ATRN: variants seen among roughly 807,000 people sequenced by gnomAD.
The protein encoded by ATRN is attractin-2.
A neutral mutation model predicts 178.7 loss-of-function variants in ATRN; 54 were observed. The observed-to-expected ratio is 0.30, with a 90% confidence interval of 0.24 to 0.38. The LOEUF is 0.38. Among genes scored for constraint, ATRN ranks in the 10% least tolerant of loss-of-function variants. ATRN has a pLI of 1.00. For synonymous variants in ATRN, 636 were observed against 663.0 expected, an observed-to-expected ratio of 0.96 and a Z score of 0.63; for missense variants, 1,443 against 1,815.1, an observed-to-expected ratio of 0.79 and a Z score of 3.73.
At chr20:3,492,705 T>C (rs2084812070) in intron 1 of ATRN, among the ~76,000 whole-genome samples, 1 of 151,910 alleles carries the variant, frequency 6.6e-6, no homozygotes, top group Non-Finnish European at 1.5e-5. Flanking sequence ...GAGAAGCTAT[T>C]TTATCATTTC....
rs2087123349 is a variant in ATRN, at chr20:3,648,451, C to T, written c.*1604C>T. The T allele has an allele frequency of 6.6e-6, 1 of 152,652 alleles. No homozygotes were observed. The highest frequency in any genetic ancestry group is 2.4e-5 in the African/African-American group (1 of 41,442). 9.5% of individuals were successfully genotyped at this position (152,652 alleles called of 1,614,324 possible). ...TCTTCTGCTTCAAAACCTGGGATCT[C>T]TGGCATTACCCTATTGGGATGGACC... is the stretch of plus-strand genomic sequence containing the variant. On this transcript the variant is annotated 3_prime_UTR_variant, in exon 29 of 29. Transcript: ENST00000262919.
chr20:3,621,734 G>T (rs2086898641), intron 24 of ATRN, among the ~76,000 whole-genome samples: 1 of 152,106 alleles, frequency 6.6e-6, no homozygotes, highest in Non-Finnish European at 1.5e-5. Context: ...AGAAAGATTT[G>T]ATTGGGATAT....
chr20:3,524,464 T>A (rs544197671), intron 1 of ATRN, among the ~76,000 whole-genome samples: 4 of 152,268 alleles, frequency 2.6e-5, no homozygotes, highest in African/African-American at 9.6e-5. Flanking sequence ...GCAATAATAG[T>A]GGGAGACTTT....
At chr20:3,538,326 A>T (rs1409935899) in intron 2 of ATRN, among the ~76,000 whole-genome samples, 1 of 152,146 alleles carries the variant, frequency 6.6e-6, no homozygotes, top group Admixed American at 6.5e-5. Flanking sequence ...TAAGATGCCC[A>T]CAGTTTCACC....
chr20:3,542,337 T>C (rs2085633944), intron 3 of ATRN, among the ~76,000 whole-genome samples: 1 of 152,198 alleles, frequency 6.6e-6, no homozygotes, highest in Non-Finnish European at 1.5e-5. Flanking sequence ...TCAGGAGCCT[T>C]GTAGGAACAT....
intron 1 of ATRN, among the ~76,000 whole-genome samples, chr20:3,531,785 G>T (rs2085456458): frequency 6.6e-6 from 1 of 151,296 alleles, no homozygotes; most frequent in African/African-American, 2.5e-5. Context: ...GAGTAACTGG[G>T]GAAGTGGGTT....
At chr20:3,530,641 T>C (rs956390535) in intron 1 of ATRN, among the ~76,000 whole-genome samples, 81 of 152,004 alleles carry the variant, frequency 5.3e-4, no homozygotes, top group Non-Finnish European at 1.3e-4. Context: ...GTATAAGGAA[T>C]TGAATAGTGC....
intron 1 of ATRN, among the ~76,000 whole-genome samples, chr20:3,476,809 G>A (rs994825279): frequency 5.9e-5 from 9 of 152,244 alleles, no homozygotes; most frequent in Admixed American, 6.5e-5. Flanking sequence ...GCAGTGAGCC[G>A]AGATTGTGCC....
At chr20:3,623,065 A>T (rs1017216655) in intron 24 of ATRN, among the ~76,000 whole-genome samples, 3 of 152,218 alleles carry the variant, frequency 2.0e-5, no homozygotes, top group African/African-American at 7.2e-5. Flanking sequence ...TTAACGTTTT[A>T]AAAGATTGAA....
At chr20:3,599,829 C>T (rs938827645) in intron 22 of ATRN, among the ~76,000 whole-genome samples, 2 of 152,178 alleles carry the variant, frequency 1.3e-5, no homozygotes, top group African/African-American at 4.8e-5. Flanking sequence ...AACACTTGAG[C>T]TGTCCTTTCA....
At chr20:3,606,260 G>A (rs1452660819) in intron 24 of ATRN, among the ~76,000 whole-genome samples, 1 of 152,170 alleles carries the variant, frequency 6.6e-6, no homozygotes, top group African/African-American at 2.4e-5. Flanking sequence ...GTGGGCCCCA[G>A]TGATGGAATT....
rs575995218 is a variant in ATRN at position 3,488,421 on chromosome 20, C to T, written c.410+16904C>T. 1.2e-4 allele frequency among the ~76,000 whole-genome samples: 18 copies of T among 152,218 alleles called. No homozygotes were observed. The Middle Eastern group carries it at 0.01, about 86-fold the overall frequency. On this transcript the variant is annotated intron_variant, in intron 1 of 28. Coordinates refer to ENST00000262919, the MANE Select transcript of ATRN (RefSeq NM_139321.3). ...TATTTGCTTTATGCATATTCAGATT[C>T]ACATTTATTAGAGCCACATTTATTT...
intron 1 of ATRN, among the ~76,000 whole-genome samples, chr20:3,496,419 C>T (rs2084879722): frequency 6.6e-6 from 1 of 151,914 alleles, no homozygotes; most frequent in Admixed American, 6.6e-5. Context: ...ACCCAGTAGT[C>T]ATTCAGGAGC....
At chr20:3,549,875 A>G (rs1008391472) in intron 6 of ATRN, among the ~76,000 whole-genome samples, 3 of 152,182 alleles carry the variant, frequency 2.0e-5, no homozygotes, top group African/African-American at 4.8e-5. Flanking sequence ...GGCATTTTCT[A>G]TTAATGAAGA....
chr20:3,606,512 GGCAGTTGCTGCCTGGACAGCC>G (rs1346208744), intron 24 of ATRN, among the ~76,000 whole-genome samples: 1 of 152,156 alleles, frequency 6.6e-6, no homozygotes, highest in Non-Finnish European at 1.5e-5. Context: ...GACCGGCACT[GGCAGTTGCTGCCTGGACAGCC>G]CTACCTGGGT....
Position 3,535,454 on chromosome 20 carries a change from A to G in ATRN, c.494+118A>G, listed in dbSNP as rs533556562. On this transcript the variant is annotated intron_variant, in intron 2 of 28. Coordinates refer to ENST00000262919, the MANE Select transcript of ATRN (RefSeq NM_139321.3). ...CATAAAGTTCTTAAAACATTACTTG[A>G]TAACCTTTCATTTGACAAGTGAATT... The G allele has an allele frequency of 1.7e-4, 48 of 285,526 alleles. No homozygotes were observed. The highest frequency in any genetic ancestry group is 1.1e-3 in the African/African-American group (43 of 40,648). 17.7% of individuals were successfully genotyped at this position (285,526 alleles called of 1,614,324 possible).
At chr20:3,584,502 C>CTAA (rs1392303864) in intron 17 of ATRN, 145 bp from the exon 18 acceptor site, 1 of 677,468 alleles carries the variant, frequency 1.5e-6, no homozygotes, top group East Asian at 2.7e-5. Flanking sequence ...ATACTGGGCT[C>CTAA]TTTACATTCA....
At chr20:3,634,519 C>G in intron 26 of ATRN, 130 bp downstream of exon 26, 2 of 738,520 alleles carry the variant, frequency 2.7e-6, no homozygotes, top group South Asian at 3.8e-5. Context: ...AGGAATAATG[C>G]AGCCCTTTCT....
chr20:3,572,650 CT>C (rs2086142241), intron 11 of ATRN, 80 bp from the exon 12 acceptor site: 2 of 1,106,282 alleles, frequency 1.8e-6, no homozygotes, highest in Non-Finnish European at 2.4e-6. Context: ...GACCCTGTCT[CT>C]TAAAAAAAAA....
Sources: gnomAD v4.1 joint callset for allele counts (sites outside exome capture counted in the v4.1 genomes callset) on GRCh38, gnomAD v4.1.1 for gene constraint, MANE v1.5 for transcripts, NCBI Gene and HGNC (gene_info 2026-07-23, HGNC 2026-07-21) for gene names.